CSMD1: variants seen among roughly 807,000 people sequenced by gnomAD.
The protein encoded by CSMD1 is CUB and Sushi multiple domains 1, also known as CUB and sushi domain-containing protein 1.
A neutral mutation model predicts 417.5 loss-of-function variants in CSMD1; 213 were observed. The ratio of observed to expected loss-of-function variants is 0.51; its 90% CI spans 0.46 to 0.57. CSMD1 has a LOEUF of 0.57. Among genes scored for constraint, CSMD1 ranks in the 20% least tolerant of loss-of-function variants. The pLI is 0.00. For synonymous variants in CSMD1, 2,862 were observed against 1,736.8 expected (o/e 1.65, Z -16.11); for missense variants, 6,923 against 4,529.7 (o/e 1.53, Z -15.17).
chr8:3,515,960 C>T (rs1231840573), intron 10 of CSMD1, among the ~76,000 whole-genome samples: 1 of 152,170 alleles, frequency 6.6e-6, no homozygotes, highest in East Asian at 1.9e-4. Context: ...ACGTACCAAA[C>T]TGTTCGTTGC....
At chr8:2,997,984 G>C (rs983927321) in intron 54 of CSMD1, 27 bp downstream of exon 54, 3 of 1,604,644 alleles carry the variant, frequency 1.9e-6, no homozygotes, top group Admixed American at 3.4e-5. Context: ...TCAGAGCAAA[G>C]GGCTCATTCC....
intron 2 of CSMD1, among the ~76,000 whole-genome samples, chr8:4,449,744 G>A (rs1031545300): frequency 3.9e-5 from 6 of 152,114 alleles, no homozygotes; most frequent in Admixed American, 2.6e-4. Flanking sequence ...GGTGTAGAAA[G>A]AGAAACAATG....
chr8:4,173,534 G>C (rs1244403353), intron 3 of CSMD1, among the ~76,000 whole-genome samples: 15 of 152,200 alleles, frequency 9.9e-5, no homozygotes, highest in Non-Finnish European at 2.1e-4. Flanking sequence ...TCCTCTTGTG[G>C]TTTACAAGAA....
intron 10 of CSMD1, among the ~76,000 whole-genome samples, chr8:3,540,563 G>A (rs1446241369): frequency 1.3e-5 from 2 of 152,012 alleles, no homozygotes; most frequent in African/African-American, 4.8e-5. Context: ...GCTTCTGCAC[G>A]ACAAAAGAAA....
At chr8:3,822,559 G>C (rs80131857) in intron 5 of CSMD1, among the ~76,000 whole-genome samples, 1 of 152,106 alleles carries the variant, frequency 6.6e-6, no homozygotes, top group Admixed American at 6.5e-5. Context: ...CTTTGCTTCC[G>C]CCTCTATCAC....
At chr8:4,988,093 C>G (rs1442691095) in intron 1 of CSMD1, among the ~76,000 whole-genome samples, 1 of 152,088 alleles carries the variant, frequency 6.6e-6, no homozygotes, top group Non-Finnish European at 1.5e-5. Flanking sequence ...AGAATCCTGA[C>G]TAATACAGTG....
intron 1 of CSMD1, among the ~76,000 whole-genome samples, chr8:4,658,162 A>G (rs567748625): frequency 6.6e-6 from 1 of 152,250 alleles, no homozygotes; most frequent in African/African-American, 2.4e-5. Context: ...GGAAGGAGAA[A>G]GAGAAAGCAG....
chr8:3,997,057 T>G (rs926008126), intron 5 of CSMD1, among the ~76,000 whole-genome samples: 1 of 152,184 alleles, frequency 6.6e-6, no homozygotes, highest in African/African-American at 2.4e-5. Flanking sequence ...CTACCTGAGT[T>G]TCAACATACC....
intron 3 of CSMD1, among the ~76,000 whole-genome samples, chr8:4,143,572 A>C (rs957496337): frequency 8.6e-5 from 13 of 151,140 alleles, no homozygotes; most frequent in Middle Eastern, 6.8e-3. Flanking sequence ...GATATGACCC[A>C]CAGTTGTCAA....
intron 5 of CSMD1, among the ~76,000 whole-genome samples, chr8:3,876,330 CA>C (rs1476306739): frequency 6.6e-6 from 1 of 152,116 alleles, no homozygotes; most frequent in African/African-American, 2.4e-5. Context: ...TTTCAAAGCC[CA>C]GGATGACTGT....
At chr8:4,766,529 G>A (rs941811782) in intron 1 of CSMD1, among the ~76,000 whole-genome samples, 4 of 152,228 alleles carry the variant, frequency 2.6e-5, no homozygotes, top group African/African-American at 4.8e-5. Context: ...TCACTGCATT[G>A]CATTGTCAGG....
At chr8:4,959,342 G>A (rs1035221668) in intron 1 of CSMD1, among the ~76,000 whole-genome samples, 3 of 152,130 alleles carry the variant, frequency 2.0e-5, no homozygotes, top group Non-Finnish European at 4.4e-5. Context: ...CATGTACCTG[G>A]TGTTCCCCGC....
At chr8:4,523,755 G>T (rs1267496666) in intron 2 of CSMD1, among the ~76,000 whole-genome samples, 1 of 152,062 alleles carries the variant, frequency 6.6e-6, no homozygotes, top group Non-Finnish European at 1.5e-5. Context: ...ATAAAATAAT[G>T]CATATTAAAA....
chr8:4,110,913 A>G (rs963219598), intron 3 of CSMD1, among the ~76,000 whole-genome samples: 3 of 152,168 alleles, frequency 2.0e-5, no homozygotes, highest in Admixed American at 6.5e-5. Context: ...AAAGTGAGAC[A>G]ATGACATTCT....
intron 1 of CSMD1, among the ~76,000 whole-genome samples, chr8:4,828,792 C>A (rs1799972254): frequency 6.6e-6 from 1 of 152,136 alleles, no homozygotes; most frequent in Admixed American, 6.6e-5. Flanking sequence ...CCCTTAAAAT[C>A]AGATGAGCCC....
intron 3 of CSMD1, among the ~76,000 whole-genome samples, chr8:4,215,580 T>C (rs9792308): frequency 0.49 from 74,493 of 151,890 alleles, 20,142 homozygotes; most frequent in African/African-American, 0.69. Flanking sequence ...ATTTTTTCCC[T>C]AAAATTTATA....
intron 10 of CSMD1, among the ~76,000 whole-genome samples, chr8:3,506,067 G>T (rs1171971577): frequency 6.6e-6 from 1 of 152,172 alleles, no homozygotes; most frequent in East Asian, 1.9e-4. Context: ...TTCCTCCTGG[G>T]GTTGAGCCCT....
intron 5 of CSMD1, among the ~76,000 whole-genome samples, chr8:3,901,907 T>C (rs1563193544): frequency 6.6e-6 from 1 of 152,228 alleles, no homozygotes; most frequent in South Asian, 2.1e-4. Flanking sequence ...TTAGATCTCA[T>C]GCCATGATGT....
intron 3 of CSMD1, among the ~76,000 whole-genome samples, chr8:4,308,160 G>C (rs574477190): frequency 5.3e-5 from 8 of 152,284 alleles, no homozygotes; most frequent in Admixed American, 2.6e-4. Flanking sequence ...GCGTTTCTTC[G>C]AATGTTCCTC....
Sources: gnomAD v4.1 joint callset for allele counts (sites outside exome capture counted in the v4.1 genomes callset) on GRCh38, gnomAD v4.1.1 for gene constraint, MANE v1.5 for transcripts, NCBI Gene and HGNC (gene_info 2026-07-23, HGNC 2026-07-21) for gene names.